INO80D: variants seen among roughly 807,000 people sequenced by gnomAD.
INO80D encodes INO80 complex subunit D.
A neutral mutation model predicts 87.6 loss-of-function variants in INO80D; 21 were observed. The observed-to-expected ratio is 0.24, with a 90% CI of 0.17 to 0.35. The LOEUF (loss-of-function observed/expected upper bound fraction) is 0.35, where lower values mean the gene tolerates loss of function less well. INO80D is among the 10% of genes least tolerant of loss of function. The pLI, the probability that INO80D is intolerant of heterozygous loss-of-function variation, is 1.00. For missense variants in INO80D, 982 were observed against 1,280.7 expected, an observed-to-expected ratio of 0.77 and a Z score of 3.56; for synonymous variants, 440 against 491.0, an observed-to-expected ratio of 0.90 and a Z score of 1.37.
chr2:206,005,220 T>A lies in INO80D; in HGVS notation c.2232A>T (p.Pro744=). The A allele has an allele frequency of 1.2e-6, 2 of 1,613,864 alleles. No individual in the cohort carries two copies. Among genetic ancestry groups the A allele is most frequent in the Non-Finnish European group, 1.7e-6 (2 of 1,179,862 alleles). ...GGATCTGCCCTGCCAGGGGTGTAGGTGGGTTTGACAAGGTAGCAGAACGGA... is the reference window on the plus strand; with the variant it reads ...GGATCTGCCCTGCCAGGGGTGTAGGAGGGTTTGACAAGGTAGCAGAACGGA... ...NLLRSATLSN[P]PTPLAGQIQG... Residue 744 remains proline, a synonymous_variant, in exon 11 of 11, where the codon CCA becomes CCT. Transcript: ENST00000403263.
intron 3 of INO80D, among the ~76,000 whole-genome samples, chr2:206,061,497 T>C (rs1689690445): frequency 6.6e-6 from 1 of 152,162 alleles, no homozygotes; most frequent in Non-Finnish European, 1.5e-5. Context: ...GGGTAAGAAA[T>C]TATCATTTTC....
intron 5 of INO80D, among the ~76,000 whole-genome samples, chr2:206,038,504 T>C (rs560668904): frequency 6.6e-6 from 1 of 152,266 alleles, no homozygotes; most frequent in South Asian, 2.1e-4. Context: ...TCTCTTCCCC[T>C]AACTGCTCAT....
rs1687970015 is a variant in INO80D at position 206,004,519 on chromosome 2, G to A, written c.2933C>T (p.Ala978Val). The A allele has an allele frequency of 6.2e-7, 1 of 1,610,618 alleles. No individual in the cohort carries two copies. Among genetic ancestry groups the A allele is most frequent in the Non-Finnish European group, 8.5e-7 (1 of 1,178,474 alleles). The change falls in exon 11 of 11, where the codon GCC becomes GTC. Residue 978 changes from alanine (A) to valine (V), a missense_variant. By Grantham distance (64) the Ala-to-Val change is moderately conservative. Coordinates refer to ENST00000403263, the MANE Select transcript of INO80D (RefSeq NM_017759.5). This position sits in a 1 kb window ranked among gnomAD's most constrained non-coding sequence, Gnocchi z 4.9. The stretch of plus-strand genomic sequence containing the variant: ...GTGAGAACTCAGCTGGTGGCCAAAG[G>A]CTGCGCTGAACTGAGGGAGTTGCTG... Reference protein sequence around the residue: ...PKQQLPQFSAAFGHQLSSHSG... With the variant: ...PKQQLPQFSAVFGHQLSSHSG...
At chr2:206,023,275 T>C (rs1575813239) in intron 6 of INO80D, among the ~76,000 whole-genome samples, 1 of 152,158 alleles carries the variant, frequency 6.6e-6, no homozygotes, top group African/African-American at 2.4e-5. Context: ...AAATATGTAA[T>C]GTCAAACTTT....
chr2:206,025,542 A>AAAAAATATATATATATATAT (rs71301548), intron 6 of INO80D: 4 of 76,934 alleles, frequency 5.2e-5, no homozygotes, highest in South Asian at 6.5e-4. Flanking sequence ...AAAAAAAAAA[A>AAAAAATATATATATATATAT]ATATATATAT....
Position 206,085,432 on chromosome 2 carries a change from C to A in INO80D, c.-124+469G>T, listed in dbSNP as rs1690420621. The stretch of plus-strand genomic sequence containing the variant: ...TGTCCCGGCAGCCCGGGCCTGCCGC[C>A]CCGCGGGAAAGCCTCCGGGCCGGCG... On this transcript the variant is annotated intron_variant, in intron 1 of 10. Coordinates refer to ENST00000403263, the MANE Select transcript of INO80D (RefSeq NM_017759.5). The surrounding 1 kb of genome is among the most constrained non-coding windows in gnomAD (Gnocchi z 4.5). The A allele has an allele frequency of 6.6e-6, 1 of 151,972 alleles. No homozygotes were observed. The highest frequency in any genetic ancestry group is 6.6e-5 in the Admixed American group (1 of 15,266). 9.4% of individuals were successfully genotyped at this position (151,972 alleles called of 1,614,324 possible).
intron 4 of INO80D, among the ~76,000 whole-genome samples, chr2:206,052,444 C>T (rs963519122): frequency 6.6e-6 from 1 of 152,120 alleles, no homozygotes; most frequent in African/African-American, 2.4e-5. Context: ...CCACCCGCCT[C>T]AGCCTCCCAA....
Position 206,004,795 on chromosome 2 carries a change from G to T in INO80D, c.2657C>A (p.Pro886His). Residue 886 changes from proline to histidine, a missense_variant, in exon 11 of 11, where the codon CCC (proline) becomes CAC (histidine). Pro to His is a moderately conservative substitution (Grantham distance 77, BLOSUM62 -2). Coordinates refer to ENST00000403263, the MANE Select transcript of INO80D (RefSeq NM_017759.5). This position sits in a 1 kb window ranked among gnomAD's most constrained non-coding sequence, Gnocchi z 4.9. ...LEVPLGGVVN[P>H]RTHWGNLPVN... Reference sequence around the variant, plus strand: ...AGGGAGATTGCCCCAGTGAGTTCTGGGGTTTACCACGCCTCCAAGTGGCAC... The same window carrying T: ...AGGGAGATTGCCCCAGTGAGTTCTGTGGTTTACCACGCCTCCAAGTGGCAC... 6.2e-7 allele frequency: 1 copy of T among 1,614,014 alleles called. No individual in the cohort carries two copies. The highest frequency in any genetic ancestry group is 8.5e-7 in the Non-Finnish European group (1 of 1,179,892).
intron 1 of INO80D, among the ~76,000 whole-genome samples, chr2:206,076,628 TTGAA>T (rs550144895): frequency 1.2e-3 from 185 of 152,344 alleles, no homozygotes; most frequent in African/African-American, 4.4e-3. Flanking sequence ...ATAATGCTTA[TTGAA>T]TGTCTAGTAT....
Position 206,071,243 on chromosome 2 carries a change from G to GT in INO80D, c.-123-8000_-123-7999insA, listed in dbSNP as rs1689959268. Among the ~76,000 whole-genome samples the GT allele has an allele frequency of 7.3e-5, 2 of 27,564 alleles. 1 individual carries two copies. The allele number at this position is 27,564 out of a possible 152,430, so 18.1% of individuals were successfully genotyped here. ...CAAAGTGCTGGGATTACAGGCATAA[G>GT]CACCACGCCCGGCCTTTTTTTTTTT... On this transcript the variant is annotated intron_variant, in intron 1 of 10. Coordinates refer to ENST00000403263, the MANE Select transcript of INO80D (RefSeq NM_017759.5).
intron 4 of INO80D, among the ~76,000 whole-genome samples, chr2:206,052,334 C>T (rs903309248): frequency 3.9e-5 from 6 of 152,156 alleles, no homozygotes; most frequent in Admixed American, 1.3e-4. Flanking sequence ...GCTGGGATTA[C>T]AGGCACGCTC....
Position 206,007,447 on chromosome 2 carries a change from A to T in INO80D, c.1761-6T>A. On this transcript the variant is annotated splice_polypyrimidine_tract_variant and splice_region_variant and intron_variant, in intron 9 of 10. Transcript: ENST00000403263. Reference sequence around the variant, plus strand: ...GCTCTGGCGTGGATGGGCTCCTGGGAAAGAGGACACTGTTGGTCCCATAAC... The same window carrying T: ...GCTCTGGCGTGGATGGGCTCCTGGGTAAGAGGACACTGTTGGTCCCATAAC... 1 of 1,606,330 alleles carries T rather than the reference A, an allele frequency of 6.2e-7. No individual in the cohort carries two copies. Among genetic ancestry groups the T allele is most frequent in the Non-Finnish European group, 8.5e-7 (1 of 1,176,874 alleles).
At chr2:206,067,737 A>C (rs904582474) in intron 1 of INO80D, among the ~76,000 whole-genome samples, 2 of 152,182 alleles carry the variant, frequency 1.3e-5, no homozygotes, top group African/African-American at 4.8e-5. Flanking sequence ...CCACAAGCCA[A>C]ACACACACGT....
At chr2:206,082,671 A>G (rs1051905416) in intron 1 of INO80D, among the ~76,000 whole-genome samples, 10 of 152,178 alleles carry the variant, frequency 6.6e-5, no homozygotes, top group Non-Finnish European at 1.5e-4. Flanking sequence ...GGGGAGGGGG[A>G]AAGAAAAGTG....
chr2:206,065,477 AAAAG>A (rs1264874196), intron 1 of INO80D, among the ~76,000 whole-genome samples: 1 of 152,168 alleles, frequency 6.6e-6, no homozygotes, highest in South Asian at 2.1e-4. Context: ...TCAAAAAAAG[AAAAG>A]AAAGAGAGAA....
Position 206,085,719 on chromosome 2 carries a change from G to T in INO80D, c.-124+182C>A, listed in dbSNP as rs1486901462. The T allele has an allele frequency of 8.6e-5, 13 of 150,818 alleles. No homozygotes were observed. Among genetic ancestry groups the T allele is most frequent in the Non-Finnish European group, 1.6e-4 (11 of 67,718 alleles). 9.3% of individuals were successfully genotyped at this position (150,818 alleles called of 1,614,324 possible). ...CGCCCCGGAGGCCCTCAGGCCCCCG[G>T]CCTCCACCACCCGGGCGCCGGCCCC... On this transcript the variant is annotated intron_variant, in intron 1 of 10. Transcript: ENST00000403263. This position sits in a 1 kb window ranked among gnomAD's most constrained non-coding sequence, Gnocchi z 4.5.
At chr2:206,047,323 A>G (rs1689222652) in intron 4 of INO80D, among the ~76,000 whole-genome samples, 1 of 152,016 alleles carries the variant, frequency 6.6e-6, no homozygotes, top group African/African-American at 2.4e-5. Context: ...GGTTCAAGTG[A>G]TTCTCATGCC....
intron 6 of INO80D, among the ~76,000 whole-genome samples, chr2:206,027,177 C>G (rs1009363918): frequency 2.7e-5 from 4 of 149,362 alleles, no homozygotes; most frequent in African/African-American, 7.4e-5. Flanking sequence ...CACACACACA[C>G]AGAGAAAGAC....
chr2:206,078,457 C>A (rs1690183670), intron 1 of INO80D, among the ~76,000 whole-genome samples: 1 of 152,036 alleles, frequency 6.6e-6, no homozygotes, highest in African/African-American at 2.4e-5. Context: ...AATTTCCCCA[C>A]AAAATACCTT....
Sources: allele counts gnomAD v4.1 joint callset (sites outside exome capture counted in the v4.1 genomes callset), GRCh38; gene constraint gnomAD v4.1.1; non-coding constraint Gnocchi (gnomAD v3.1); transcripts MANE v1.5; gene names NCBI Gene and HGNC (gene_info 2026-07-23, HGNC 2026-07-21).